The following MAN2A1 variants were observed in gnomAD, a reference collection of about 807,000 sequenced individuals.
MAN2A1 encodes the protein mannosidase alpha class 2A member 1.
MAN2A1 carries 76 observed loss-of-function variants against 142.6 expected under a neutral mutation model. That is an observed-to-expected ratio of 0.53 (90% CI 0.44 to 0.65). MAN2A1 has a LOEUF of 0.65. MAN2A1 is among the 30% of genes least tolerant of loss of function. The pLI is 0.00. For missense variants in MAN2A1, 1,311 were observed against 1,365.1 expected (o/e 0.96, Z 0.62); for synonymous variants, 559 against 473.2 (o/e 1.18, Z -2.35).
chr5:109,790,113 A>T (rs1344572911), intron 12 of MAN2A1, among the ~76,000 whole-genome samples: 1 of 151,888 alleles, frequency 6.6e-6, no homozygotes, highest in African/African-American at 2.4e-5. Flanking sequence ...GTATTTCTTT[A>T]AACAGCAAGG....
At chr5:109,756,520 G>A (rs1408896177) in intron 5 of MAN2A1, among the ~76,000 whole-genome samples, 1 of 151,802 alleles carries the variant, frequency 6.6e-6, no homozygotes, top group South Asian at 2.1e-4. Flanking sequence ...TGAGATAATT[G>A]CAAATTTGAA....
chr5:109,759,222 C>T (rs1752771947), intron 5 of MAN2A1, among the ~76,000 whole-genome samples: 1 of 152,070 alleles, frequency 6.6e-6, no homozygotes, highest in Non-Finnish European at 1.5e-5. Context: ...TTAAGTAGAT[C>T]ATCGTTAATT....
chr5:109,754,933 G>GGAGGTTGCAGTGAGGCA (rs1752648026), intron 4 of MAN2A1, among the ~76,000 whole-genome samples: 1 of 152,190 alleles, frequency 6.6e-6, no homozygotes, highest in Non-Finnish European at 1.5e-5. Context: ...CCTGGGAGGC[G>GGAGGTTGCAGTGAGGCA]GAGGTTGCAG....
rs980285667 is a variant in MAN2A1 at position 109,869,033 on chromosome 5, G to T, written c.*2035G>T. On this transcript the variant is annotated 3_prime_UTR_variant, in exon 22 of 22. Transcript: ENST00000261483. ...GTCAGTCTGGGGTTTTATTCAGCTTGTGTTGCTACCAGCAGTTCACAGGTA... is the reference window on the plus strand; with the variant it reads ...GTCAGTCTGGGGTTTTATTCAGCTTTTGTTGCTACCAGCAGTTCACAGGTA... The T allele has an allele frequency of 1.3e-5, 2 of 152,212 alleles. No individual in the cohort carries two copies. Among genetic ancestry groups the T allele is most frequent in the African/African-American group, 2.4e-5 (1 of 41,452 alleles). 9.4% of individuals were successfully genotyped at this position (152,212 alleles called of 1,614,324 possible).
chr5:109,690,451 A>T lies in MAN2A1; in HGVS notation c.34A>T (p.Ser12Cys). The T allele has an allele frequency of 6.2e-7, 1 of 1,614,054 alleles. No individual in the cohort carries two copies. ...AAGCCGCCAGTTCACCGTGTTCGGC[A>T]GTGCGATCTTCTGTGTGGTGATTTT... The part of the protein sequence containing the change: ...KLSRQFTVFG[S>C]AIFCVVIFSL... Residue 12 changes from serine to cysteine, a missense_variant, in exon 1 of 22, where the codon AGT becomes TGT. By Grantham distance (112) the Ser-to-Cys change is moderately radical. Around this residue, in one of 3 missense-constraint regions of MAN2A1, gnomAD observed 409 missense variants for 412.7 expected, o/e 0.99. Transcript: ENST00000261483.
intron 2 of MAN2A1, among the ~76,000 whole-genome samples, chr5:109,715,824 C>A (rs1751437378): frequency 6.6e-6 from 1 of 151,522 alleles, no homozygotes; most frequent in South Asian, 2.1e-4. Context: ...CTATAAATTT[C>A]TATTAAATTG....
intron 1 of MAN2A1, among the ~76,000 whole-genome samples, chr5:109,710,525 G>A (rs1046390323): frequency 4.0e-5 from 6 of 149,714 alleles, no homozygotes; most frequent in African/African-American, 1.5e-4. Context: ...TTTTTTTTGA[G>A]ACGGAGTCTC....
intron 16 of MAN2A1, among the ~76,000 whole-genome samples, chr5:109,835,343 A>G (rs1580302247): frequency 6.6e-6 from 1 of 152,176 alleles, no homozygotes; most frequent in East Asian, 1.9e-4. Flanking sequence ...TCAGACACAG[A>G]TTGGAGGAAA....
At chr5:109,718,044 C>A (rs563462740) in intron 3 of MAN2A1, among the ~76,000 whole-genome samples, 75 of 152,268 alleles carry the variant, frequency 4.9e-4, no homozygotes, top group African/African-American at 1.6e-3. Context: ...CTCATAATCA[C>A]TTGACTATTC....
At chr5:109,783,351 A>G (rs1182691159) in intron 9 of MAN2A1, among the ~76,000 whole-genome samples, 1 of 152,202 alleles carries the variant, frequency 6.6e-6, no homozygotes, top group African/African-American at 2.4e-5. Flanking sequence ...AAAATATAAA[A>G]GTATAGGGAA....
At chr5:109,813,574 A>G (rs1019203756) in intron 12 of MAN2A1, among the ~76,000 whole-genome samples, 1 of 152,182 alleles carries the variant, frequency 6.6e-6, no homozygotes, top group Non-Finnish European at 1.5e-5. Flanking sequence ...TGCAGGATGC[A>G]CTCTGAATGA....
At chr5:109,705,438 C>T (rs1751103069) in intron 1 of MAN2A1, among the ~76,000 whole-genome samples, 1 of 151,732 alleles carries the variant, frequency 6.6e-6, no homozygotes, top group African/African-American at 2.4e-5. Flanking sequence ...CAAATTATGC[C>T]CCTGGAAGAC....
Position 109,710,508 on chromosome 5 carries a change from TA to T in MAN2A1, c.136-3011del, listed in dbSNP as rs201183786. 3.0e-4 allele frequency among the ~76,000 whole-genome samples: 44 copies of T among 147,492 alleles called. 1 individual carries two copies. The highest frequency in any genetic ancestry group is 1.0e-3 in the Admixed American group (15 of 14,794). On this transcript the variant is annotated intron_variant, in intron 1 of 21. Coordinates refer to ENST00000261483, the MANE Select transcript of MAN2A1 (RefSeq NM_002372.4). The stretch of plus-strand genomic sequence containing the variant: ...ATTGTAAGTATAAGATAAAATGTGG[TA>T]TTTTTTTTTTTTTGAGACGGAGTCT...
intron 20 of MAN2A1, among the ~76,000 whole-genome samples, chr5:109,858,135 T>G (rs995939149): frequency 4.6e-5 from 7 of 152,342 alleles, no homozygotes; most frequent in Non-Finnish European, 7.3e-5. Context: ...AACTGAAATG[T>G]TAATAATGCC....
chr5:109,817,294 T>A lies in MAN2A1; in HGVS notation c.1965T>A (p.Pro655=), dbSNP rs1257272484. The part of the protein sequence containing the change: ...AEPRYLVVYN[P]LEQDRISLVS... ...GCAGGTACCTTGTGGTCTATAATCCTTTAGAACAAGACCGAATCTCGTTGG... is the reference window on the plus strand; with the variant it reads ...GCAGGTACCTTGTGGTCTATAATCCATTAGAACAAGACCGAATCTCGTTGG... The change falls in exon 13 of 22, where the codon CCT becomes CCA. Residue 655 remains proline, a synonymous_variant. Coordinates refer to ENST00000261483, the MANE Select transcript of MAN2A1 (RefSeq NM_002372.4). 1 of 1,614,108 alleles carries A rather than the reference T, an allele frequency of 6.2e-7. No homozygotes were observed. Among genetic ancestry groups the A allele is most frequent in the South Asian group, 1.1e-5 (1 of 91,074 alleles).
chr5:109,785,956 C>G (rs1753585261), intron 10 of MAN2A1, among the ~76,000 whole-genome samples: 1 of 151,984 alleles, frequency 6.6e-6, no homozygotes, highest in Non-Finnish European at 1.5e-5. Flanking sequence ...TGACTCACGA[C>G]TTATATTACT....
chr5:109,864,722 A>G (rs528123212), intron 20 of MAN2A1: 1 of 224,366 alleles, frequency 4.5e-6, no homozygotes, highest in East Asian at 9.3e-5. Flanking sequence ...TTATTTGAAT[A>G]AACTTTAATA....
At chr5:109,784,147 G>A (rs926013540) in intron 9 of MAN2A1, among the ~76,000 whole-genome samples, 2 of 152,014 alleles carry the variant, frequency 1.3e-5, no homozygotes, top group Non-Finnish European at 2.9e-5. Context: ...ATGCCCAGCC[G>A]ACATACTGTT....
At chr5:109,858,747 C>T (rs1157300167) in intron 20 of MAN2A1, among the ~76,000 whole-genome samples, 1 of 152,272 alleles carries the variant, frequency 6.6e-6, no homozygotes, top group Non-Finnish European at 1.5e-5. Flanking sequence ...CTGACCAACT[C>T]CTTCAGCACC....
Sources: allele counts gnomAD v4.1 joint callset (sites outside exome capture counted in the v4.1 genomes callset), GRCh38; gene constraint gnomAD v4.1.1; regional missense constraint gnomAD v4.1.1; transcripts MANE v1.5; gene names NCBI Gene and HGNC (gene_info 2026-07-23, HGNC 2026-07-21).